The following IRF8 variants were observed in gnomAD, a reference collection of about 807,000 sequenced individuals.
The protein encoded by IRF8 is interferon regulatory factor 8.
A neutral mutation model predicts 48.7 loss-of-function variants in IRF8; 14 were observed. That is an observed-to-expected ratio of 0.29 (90% CI 0.19 to 0.45). The LOEUF (loss-of-function observed/expected upper bound fraction) is 0.45. Ranked by LOEUF, IRF8 falls within the 20% of genes least tolerant of loss-of-function variation. The pLI, the probability that IRF8 is intolerant of heterozygous loss-of-function variation, is 1.00. For missense variants in IRF8, 493 were observed against 580.7 expected (o/e 0.85, Z 1.55); for synonymous variants, 278 against 227.3 (o/e 1.22, Z -2.01).
At chr16:85,906,906 C>T (rs889879352) in intron 2 of IRF8, among the ~76,000 whole-genome samples, 5 of 151,998 alleles carry the variant, frequency 3.3e-5, no homozygotes, top group African/African-American at 4.8e-5. Flanking sequence ...AAGAAGGGTC[C>T]CAGCTGATAT....
chr16:85,907,418 G>T (rs1478071281), intron 2 of IRF8, among the ~76,000 whole-genome samples: 1 of 152,246 alleles, frequency 6.6e-6, no homozygotes, highest in Non-Finnish European at 1.5e-5. Flanking sequence ...GGTGGCTCAC[G>T]CCTGTAAGCC....
At chr16:85,919,291 T>G (rs1286511415) in intron 7 of IRF8, among the ~76,000 whole-genome samples, 1 of 152,164 alleles carries the variant, frequency 6.6e-6, no homozygotes, top group Non-Finnish European at 1.5e-5. Context: ...GCCTGTTAGC[T>G]TTCGTTACGC....
chr16:85,904,810 A>ATTTT (rs1418168585), intron 2 of IRF8, among the ~76,000 whole-genome samples: 2 of 64,620 alleles, frequency 3.1e-5, no homozygotes, highest in African/African-American at 2.1e-4. Flanking sequence ...TTGATTGCAG[A>ATTTT]TCTTTTTTTT....
At chr16:85,910,249 G>A (rs765032001) in intron 3 of IRF8, among the ~76,000 whole-genome samples, 1 of 152,192 alleles carries the variant, frequency 6.6e-6, no homozygotes, top group Non-Finnish European at 1.5e-5. Context: ...AGCCAAAGCC[G>A]ATGCCCGACC....
chr16:85,908,194 A>T (rs1905056825), intron 2 of IRF8, among the ~76,000 whole-genome samples: 1 of 152,228 alleles, frequency 6.6e-6, no homozygotes. Context: ...ACCGAAGATA[A>T]TTCTCATCTG....
At chr16:85,906,110 C>A (rs1005556798) in intron 2 of IRF8, among the ~76,000 whole-genome samples, 4 of 152,128 alleles carry the variant, frequency 2.6e-5, no homozygotes, top group African/African-American at 7.2e-5. Flanking sequence ...TTCCAGGCAT[C>A]GTAACAGTCC....
At chr16:85,908,813 A>G (rs1236019478) in intron 2 of IRF8, among the ~76,000 whole-genome samples, 177 bp from the exon 3 acceptor site, 7 of 152,224 alleles carry the variant, frequency 4.6e-5, no homozygotes, top group Admixed American at 2.0e-4. Context: ...TGGTCCCCAG[A>G]TGTGAAAAGA....
chr16:85,919,118 C>G (rs945765376), intron 7 of IRF8, among the ~76,000 whole-genome samples: 1 of 152,120 alleles, frequency 6.6e-6, no homozygotes, highest in Admixed American at 6.5e-5. Context: ...CAAGGATGGT[C>G]CCTGAGCGCT....
chr16:85,914,544 G>C, intron 6 of IRF8, 24 bp downstream of exon 6: 1 of 1,613,830 alleles, frequency 6.2e-7, no homozygotes, highest in Non-Finnish European at 8.5e-7. Context: ...CGGGCTGAGA[G>C]GGGCGTGGGC....
chr16:85,919,087 C>T (rs1184099491), intron 7 of IRF8, among the ~76,000 whole-genome samples: 1 of 152,156 alleles, frequency 6.6e-6, no homozygotes, highest in African/African-American at 2.4e-5. Flanking sequence ...AACTTAACCT[C>T]ATGTACCTTG....
chr16:85,913,126 T>C lies in IRF8; in HGVS notation c.448-5T>C. Reference sequence around the variant, plus strand: ...TGCCCTCCTCTCCCTCCCCTGACTGTGCAGCCTTCTGTGGACGATTACATG... The same window carrying C: ...TGCCCTCCTCTCCCTCCCCTGACTGCGCAGCCTTCTGTGGACGATTACATG... On this transcript the variant is annotated splice_region_variant and splice_polypyrimidine_tract_variant and intron_variant, in intron 4 of 8. Coordinates refer to ENST00000268638, the MANE Select transcript of IRF8 (RefSeq NM_002163.4). 1 of 1,612,178 alleles carries C rather than the reference T, an allele frequency of 6.2e-7. No homozygotes were observed. Among genetic ancestry groups the C allele is most frequent in the Non-Finnish European group, 8.5e-7 (1 of 1,178,262 alleles).
At chr16:85,920,371 C>G (rs538701645) in intron 8 of IRF8, 147 bp downstream of exon 8, 3 of 640,440 alleles carry the variant, frequency 4.7e-6, no homozygotes, top group African/African-American at 3.7e-5. Flanking sequence ...CTCAGCCTCC[C>G]GAGTTGCTGG....
chr16:85,901,766 T>A (rs1207057581), intron 1 of IRF8, among the ~76,000 whole-genome samples: 2 of 152,184 alleles, frequency 1.3e-5, no homozygotes, highest in Non-Finnish European at 2.9e-5. Context: ...GTGGCTGAAG[T>A]TTCCAGAATG....
rs1905610958 is a variant in IRF8, at chr16:85,922,359, C to T, written c.*1077C>T. On this transcript the variant is annotated 3_prime_UTR_variant, in exon 9 of 9. Coordinates refer to ENST00000268638, the MANE Select transcript of IRF8 (RefSeq NM_002163.4). ...GTCCTTTACGTGTGGATGGAGTTCA[C>T]AGGCGAATAGAGGAGAGGACCAGGG... 2 of 152,336 alleles carry T rather than the reference C, an allele frequency of 1.3e-5. No individual in the cohort carries two copies. The highest frequency in any genetic ancestry group is 4.8e-5 in the African/African-American group (2 of 41,440). The allele number at this position is 152,336 out of a possible 1,614,324, so 9.4% of individuals were successfully genotyped here. A position where few individuals can be genotyped will look rare whatever the true frequency, so the allele number is the denominator to read the frequency against.
Position 85,908,853 on chromosome 16 carries a change from G to T in IRF8, c.175-137G>T, listed in dbSNP as rs1298001129. ...AGACATCTGATTGGAGTCTCTTTGG[G>T]TCCTGAAATTGAATGAGAGTTGATG... On this transcript the variant is annotated intron_variant, in intron 2 of 8. Coordinates refer to ENST00000268638, the MANE Select transcript of IRF8 (RefSeq NM_002163.4). 4.5e-5 allele frequency: 37 copies of T among 814,502 alleles called. 1 individual carries two copies. Among genetic ancestry groups the T allele is most frequent in the Non-Finnish European group, 7.3e-5 (34 of 468,842 alleles). The allele number at this position is 814,502 out of a possible 1,614,324, so 50.5% of individuals were successfully genotyped here.
At position 85,905,750 on chromosome 16, in the gene IRF8, C is replaced by T. The variant is rs568633892; in HGVS notation, c.174+2561C>T. ...AGGTAGAGCCATCTTAGGGATTTTC[C>T]GGTTATGTAGACACTTGTTTCTTTC... On this transcript the variant is annotated intron_variant, in intron 2 of 8. Coordinates refer to ENST00000268638, the MANE Select transcript of IRF8 (RefSeq NM_002163.4). 7.2e-5 allele frequency among the ~76,000 whole-genome samples: 11 copies of T among 152,314 alleles called. No individual in the cohort carries two copies. In the South Asian group the frequency reaches 2.1e-3, roughly 29 times the overall value.
chr16:85,920,046 G>T, intron 7 of IRF8, 63 bp from the exon 8 acceptor site: 5 of 1,190,400 alleles, frequency 4.2e-6, no homozygotes, highest in South Asian at 1.3e-5. Flanking sequence ...CAGCCCTGCT[G>T]CTGCGGGAGT....
chr16:85,908,777 C>T (rs1161413059), intron 2 of IRF8, among the ~76,000 whole-genome samples: 1 of 152,296 alleles, frequency 6.6e-6, no homozygotes, highest in East Asian at 1.9e-4. Flanking sequence ...GGGGGACCCC[C>T]TCCCTGGCTT....
intron 1 of IRF8, among the ~76,000 whole-genome samples, chr16:85,899,674 A>C (rs571597611): frequency 6.6e-6 from 1 of 152,282 alleles, no homozygotes; most frequent in African/African-American, 2.4e-5. Flanking sequence ...GAGGGGACAG[A>C]CTGCTTCTAA....
Sources: gnomAD v4.1 joint callset for allele counts (sites outside exome capture counted in the v4.1 genomes callset) on GRCh38, gnomAD v4.1.1 for gene constraint, MANE v1.5 for transcripts, NCBI Gene and HGNC (gene_info 2026-07-23, HGNC 2026-07-21) for gene names.